NBR1: variants seen among roughly 807,000 people sequenced by gnomAD.
NBR1 encodes the protein next to BRCA1 gene 1 protein.
Under a neutral mutation model 115.5 loss-of-function variants are expected in NBR1, and 59 were observed. The ratio of observed to expected loss-of-function variants is 0.51; its 90% CI spans 0.41 to 0.63. The LOEUF is 0.63. Among genes scored for constraint, NBR1 ranks in the 30% least tolerant of loss-of-function variants. The pLI is 0.00. For missense variants in NBR1, 1,043 were observed against 1,150.5 expected (o/e 0.91, Z 1.35); for synonymous variants, 373 against 414.7 (o/e 0.90, Z 1.22).
At chr17:43,180,774 G>T in intron 4 of NBR1, 21 bp from the exon 5 acceptor site, 3 of 1,457,976 alleles carry the variant, frequency 2.1e-6, no homozygotes, top group Non-Finnish European at 2.7e-6. Flanking sequence ...GTATCATGGT[G>T]TATATTTTTT....
At position 43,194,967 on chromosome 17, in the gene NBR1, C is replaced by T. The variant is rs1237478954; in HGVS notation, c.1678C>T (p.Leu560=). The change falls in exon 14 of 21, where the codon CTG becomes TTG. Residue 560 remains leucine, a synonymous_variant. Coordinates refer to ENST00000590996, the MANE Select transcript of NBR1 (RefSeq NM_005899.5). ...PSVDLLTAQD[L]LSFELLDINI... is the part of the protein sequence containing the mutation. The stretch of plus-strand genomic sequence containing the variant: ...CTAACATTGTCTTTTTTTATAGGAC[C>T]TGCTGTCCTTTGAGCTGTTGGATAT... 31 of 1,613,164 alleles carry T rather than the reference C, an allele frequency of 1.9e-5. No homozygotes were observed. Among genetic ancestry groups the T allele is most frequent in the Non-Finnish European group, 2.5e-5 (29 of 1,179,506 alleles).
At chr17:43,209,258 A>G (rs1478510544) in intron 20 of NBR1, among the ~76,000 whole-genome samples, 1 of 151,764 alleles carries the variant, frequency 6.6e-6, no homozygotes, top group African/African-American at 2.4e-5. Context: ...TTGTATTTTT[A>G]GTAGAGATGG....
At chr17:43,182,180 T>C (rs544965398) in intron 5 of NBR1, among the ~76,000 whole-genome samples, 1 of 150,248 alleles carries the variant, frequency 6.7e-6, no homozygotes, top group African/African-American at 2.5e-5. Flanking sequence ...TGGTTCACAT[T>C]TTTCACCTCT....
At chr17:43,190,506 T>C in intron 8 of NBR1, 103 bp from the exon 9 acceptor site, 1 of 1,284,186 alleles carries the variant, frequency 7.8e-7, no homozygotes, top group Non-Finnish European at 1.1e-6. Flanking sequence ...TCAGGTTACC[T>C]GCTAGTTGGT....
Position 43,196,924 on chromosome 17 carries a change from G to A in NBR1, c.1862-18G>A, listed in dbSNP as rs780347173. Reference sequence around the variant, plus strand: ...CACTTTAAACACCCAGTGCAGATAAGGTTCGTGTGTCTTTCAGATTCTATG... The same window carrying A: ...CACTTTAAACACCCAGTGCAGATAAAGTTCGTGTGTCTTTCAGATTCTATG... On this transcript the variant is annotated intron_variant, in intron 15 of 20. Coordinates refer to ENST00000590996, the MANE Select transcript of NBR1 (RefSeq NM_005899.5). 1 of 1,613,552 alleles carries A rather than the reference G, an allele frequency of 6.2e-7. No individual in the cohort carries two copies. Among genetic ancestry groups the A allele is most frequent in the Non-Finnish European group, 8.5e-7 (1 of 1,179,702 alleles).
At chr17:43,206,175 CAAAA>C (rs1280826827) in intron 20 of NBR1, among the ~76,000 whole-genome samples, 1 of 63,798 alleles carries the variant, frequency 1.6e-5, no homozygotes. Context: ...GACTCTGTCT[CAAAA>C]AAAAAAAAAA....
intron 1 of NBR1, among the ~76,000 whole-genome samples, chr17:43,173,328 A>G (rs1244449605): frequency 6.6e-6 from 1 of 151,348 alleles, no homozygotes; most frequent in Non-Finnish European, 1.5e-5. Context: ...TCGCTCTATC[A>G]CCCAGGCGAG....
intron 17 of NBR1, among the ~76,000 whole-genome samples, chr17:43,201,239 A>G (rs948709805): frequency 6.6e-6 from 1 of 152,226 alleles, no homozygotes; most frequent in African/African-American, 2.4e-5. Context: ...CAGTAAAGGC[A>G]GCAAAAACTC....
Position 43,190,681 on chromosome 17 carries a change from G to T in NBR1, c.768G>T (p.Leu256=), listed in dbSNP as rs754278752. 7.4e-6 allele frequency: 12 copies of T among 1,613,674 alleles called. No homozygotes were observed. Among genetic ancestry groups the T allele is most frequent in the East Asian group, 2.2e-5 (1 of 44,880 alleles). ...ATGGCCATGACACTAACCACGTCCT[G>T]CTGAAGTTGCGGAGACCTGTTGTGG... is the stretch of plus-strand genomic sequence containing the variant. ...GPYGHDTNHV[L]LKLRRPVVGS... is the part of the protein sequence containing the mutation. Residue 256 remains leucine, a synonymous_variant, in exon 9 of 21, where the codon CTG becomes CTT. Coordinates refer to ENST00000590996, the MANE Select transcript of NBR1 (RefSeq NM_005899.5).
Position 43,193,163 on chromosome 17 carries a change from T to C in NBR1, c.1143T>C (p.Pro381=), listed in dbSNP as rs2056987769. 6.2e-7 allele frequency: 1 copy of C among 1,613,874 alleles called. No homozygotes were observed. Among genetic ancestry groups the C allele is most frequent in the Admixed American group, 1.7e-5 (1 of 59,994 alleles). Residue 381 remains proline (P), a synonymous_variant, in exon 11 of 21, where the codon CCT becomes CCC. Transcript: ENST00000590996. ...CAGCATTTGTGGATGAGAATTTGCC[T>C]GATGGGACTCACCTTCAGCCAGGAA... The part of the protein sequence containing the change: ...LSAAFVDENL[P]DGTHLQPGTK...
chr17:43,191,619 C>T lies in NBR1; in HGVS notation c.1073+38C>T, dbSNP rs769002687. On this transcript the variant is annotated intron_variant, in intron 10 of 20. Transcript: ENST00000590996. ...CTGGGGTGGGAGCCAAAACTTTAGG[C>T]CCAGCTCTCTGAAACTGGAACTTCA... 25 of 1,427,462 alleles carry T rather than the reference C, an allele frequency of 1.8e-5. No homozygotes were observed. The South Asian group carries it at 2.4e-4, about 14-fold the overall frequency. 88.4% of individuals were successfully genotyped at this position (1,427,462 alleles called of 1,614,324 possible).
At position 43,191,372 on chromosome 17, in the gene NBR1, G is replaced by T; in HGVS notation, c.864G>T (p.Arg288Ser). The T allele has an allele frequency of 6.2e-7, 1 of 1,607,682 alleles. No individual in the cohort carries two copies. The highest frequency in any genetic ancestry group is 8.5e-7 in the Non-Finnish European group (1 of 1,175,746). The stretch of plus-strand genomic sequence containing the variant: ...AAGACTTGCTTTTATTATCTCACAG[G>T]CTCCAGAAACAGGTTGATAAGAACT... ...PRLPAALEQV[R>S]LQKQVDKNFL... is the part of the protein sequence containing the mutation. Residue 288 changes from arginine to serine, a missense_variant and splice_region_variant, in exon 10 of 21, where the codon AGG becomes AGT. Coordinates refer to ENST00000590996, the MANE Select transcript of NBR1 (RefSeq NM_005899.5).
intron 3 of NBR1, among the ~76,000 whole-genome samples, chr17:43,178,768 C>CTTTT (rs770102583): frequency 7.9e-6 from 1 of 127,194 alleles, no homozygotes; most frequent in Non-Finnish European, 1.7e-5. Context: ...AATGGCTAAG[C>CTTTT]TTTTTTTTTT....
chr17:43,178,250 G>A (rs2056573727), intron 3 of NBR1, among the ~76,000 whole-genome samples: 1 of 151,002 alleles, frequency 6.6e-6, no homozygotes, highest in Non-Finnish European at 1.5e-5. Flanking sequence ...GTCTCACTAT[G>A]TTGCTCAGGC....
rs752578904 is a variant in NBR1 at position 43,210,730 on chromosome 17, G to T, written c.*656G>T. 1 of 398,384 alleles carries T rather than the reference G, an allele frequency of 2.5e-6. No individual in the cohort carries two copies. Among genetic ancestry groups the T allele is most frequent in the Admixed American group, 4.4e-5 (1 of 22,704 alleles). The allele number at this position is 398,384 out of a possible 1,614,324, so 24.7% of individuals were successfully genotyped here. A position where few individuals can be genotyped will look rare whatever the true frequency, so the allele number is the denominator to read the frequency against. On this transcript the variant is annotated 3_prime_UTR_variant, in exon 21 of 21. Transcript: ENST00000590996. ...ATTTCAATGAAAGGAGGAAGAGTGT[G>T]CTGATAAACCTACCAGCACCTATTG...
chr17:43,205,157 C>T (rs1386063430), intron 20 of NBR1, among the ~76,000 whole-genome samples: 3 of 151,966 alleles, frequency 2.0e-5, no homozygotes. Context: ...AGTTCGAGAC[C>T]ATCCTGGCCA....
Position 43,177,960 on chromosome 17 carries a change from A to T in NBR1, c.127A>T (p.Thr43Ser). 2 of 1,560,452 alleles carry T rather than the reference A, an allele frequency of 1.3e-6. No individual in the cohort carries two copies. The highest frequency in any genetic ancestry group is 1.8e-6 in the Non-Finnish European group (2 of 1,139,750). The change falls in exon 3 of 21, where the codon ACT (threonine) becomes TCT (serine). Residue 43 changes from threonine (T) to serine (S), a missense_variant. Coordinates refer to ENST00000590996, the MANE Select transcript of NBR1 (RefSeq NM_005899.5). ...AMVKVSFDLN[T>S]IQIKYLDEEN... ...GGTAAAAGTTTCATTTGATCTGAATACTATTCAAATAAAATACCTGGATGA... is the reference window on the plus strand; with the variant it reads ...GGTAAAAGTTTCATTTGATCTGAATTCTATTCAAATAAAATACCTGGATGA...
intron 5 of NBR1, among the ~76,000 whole-genome samples, chr17:43,184,227 C>CTT (rs111447417): frequency 4.4e-5 from 6 of 137,388 alleles, no homozygotes; most frequent in East Asian, 4.3e-4. Flanking sequence ...GATTTTTAAA[C>CTT]TTTTTTTTTT....
At chr17:43,170,786 C>T (rs1400195239), upstream of NBR1, 1 of 152,208 alleles carries the variant, frequency 6.6e-6, no homozygotes, top group Non-Finnish European at 1.5e-5. Flanking sequence ...GATTGGAGAC[C>T]TCCGCGGGCT....
Sources: gnomAD v4.1 joint callset for allele counts (sites outside exome capture counted in the v4.1 genomes callset) on GRCh38, gnomAD v4.1.1 for gene constraint, MANE v1.5 for transcripts, NCBI Gene and HGNC (gene_info 2026-07-23, HGNC 2026-07-21) for gene names.